Variants in DLG1 observed in about 807,000 individuals in gnomAD.
DLG1 encodes discs large MAGUK scaffold protein 1.
A neutral mutation model predicts 123.4 loss-of-function variants in DLG1; 42 were observed. The ratio of observed to expected loss-of-function variants is 0.34; its 90% CI spans 0.27 to 0.44. The LOEUF is 0.44. Among genes scored for constraint, DLG1 ranks in the 20% least tolerant of loss-of-function variants. DLG1 has a pLI of 1.00. For synonymous variants in DLG1, 317 were observed against 356.2 expected (o/e 0.89, Z 1.24); for missense variants, 942 against 1,082.6 (o/e 0.87, Z 1.82).
chr3:197,095,016 T>C (rs1397975213), intron 14 of DLG1, among the ~76,000 whole-genome samples: 6 of 152,210 alleles, frequency 3.9e-5, no homozygotes, highest in Admixed American at 1.3e-4. Context: ...TTTTCTAGCA[T>C]TGTTTTGGAT....
intron 10 of DLG1, among the ~76,000 whole-genome samples, chr3:197,132,319 CATT>C (rs1019998488): frequency 4.0e-5 from 6 of 151,042 alleles, no homozygotes; most frequent in Admixed American, 6.6e-5. Flanking sequence ...ATAAGTAAAA[CATT>C]ATCAATGTTT....
Position 197,150,634 on chromosome 3 carries a change from A to T in DLG1, c.484-838T>A, listed in dbSNP as rs190753683. Among the ~76,000 whole-genome samples, 27 of 152,296 alleles carry T rather than the reference A, an allele frequency of 1.8e-4. No individual in the cohort carries two copies. In the East Asian group the frequency reaches 5.0e-3, roughly 28 times the overall value. On this transcript the variant is annotated intron_variant, in intron 5 of 24. Transcript: ENST00000667157. ...GACTATCCTTTAAACAAACTTTAGA[A>T]GATATGCTTACACACATTAATGGTT...
At chr3:197,166,648 G>A (rs1801561208) in intron 5 of DLG1, among the ~76,000 whole-genome samples, 1 of 152,150 alleles carries the variant, frequency 6.6e-6, no homozygotes, top group African/African-American at 2.4e-5. Flanking sequence ...CCAACACTTT[G>A]GGAGGCGGAG....
intron 2 of DLG1, 81 bp downstream of exon 2, chr3:197,297,105 C>T: frequency 2.0e-6 from 3 of 1,495,674 alleles, no homozygotes; most frequent in Non-Finnish European, 2.8e-6. Flanking sequence ...GTTACACAAA[C>T]GATTCTAAAA....
At chr3:197,112,558 T>C (rs989507450) in intron 13 of DLG1, among the ~76,000 whole-genome samples, 1 of 152,180 alleles carries the variant, frequency 6.6e-6, no homozygotes, top group African/African-American at 2.4e-5. Flanking sequence ...GAATATTTTT[T>C]ACCACTGTGT....
intron 7 of DLG1, 61 bp from the exon 8 acceptor site, chr3:197,140,325 G>T: frequency 6.5e-7 from 1 of 1,546,372 alleles, no homozygotes; most frequent in South Asian, 1.2e-5. Context: ...ACAGGTTCCT[G>T]TCATTAAAGG....
chr3:197,048,894 G>T (rs545752286), intron 24 of DLG1, among the ~76,000 whole-genome samples: 1 of 152,134 alleles, frequency 6.6e-6, no homozygotes, highest in Non-Finnish European at 1.5e-5. Context: ...TGACCTCAGG[G>T]GACCTGCCCA....
chr3:197,160,516 C>T (rs1040612204), intron 5 of DLG1, among the ~76,000 whole-genome samples: 1 of 151,584 alleles, frequency 6.6e-6, no homozygotes, highest in Admixed American at 6.6e-5. Flanking sequence ...AGAGAATATC[C>T]ATTTGGATTC....
intron 15 of DLG1, among the ~76,000 whole-genome samples, chr3:197,088,498 C>T (rs1178548540): frequency 6.6e-6 from 1 of 152,116 alleles, no homozygotes; most frequent in African/African-American, 2.4e-5. Flanking sequence ...CACCTTTTCG[C>T]AGGAATTTAC....
chr3:197,190,785 C>T (rs934265086), intron 5 of DLG1, among the ~76,000 whole-genome samples: 5 of 152,116 alleles, frequency 3.3e-5, no homozygotes, highest in African/African-American at 4.8e-5. Context: ...CCGAGGCGGG[C>T]GGATCACGAG....
chr3:197,291,316 C>CAG (rs1553833188), intron 3 of DLG1, among the ~76,000 whole-genome samples: 1 of 151,496 alleles, frequency 6.6e-6, no homozygotes, highest in Non-Finnish European at 1.5e-5. Flanking sequence ...CACACACACA[C>CAG]ACACACACAC....
intron 4 of DLG1, among the ~76,000 whole-genome samples, chr3:197,239,094 A>G (rs1747519764): frequency 6.6e-6 from 1 of 152,148 alleles, no homozygotes; most frequent in Non-Finnish European, 1.5e-5. Context: ...ATATGGAATT[A>G]AGAGAGAAAG....
chr3:197,081,666 T>C (rs1427977732), intron 16 of DLG1, among the ~76,000 whole-genome samples: 2 of 148,560 alleles, frequency 1.3e-5, no homozygotes, highest in Non-Finnish European at 3.0e-5. Context: ...TGTGTGTAAA[T>C]ATATAAATAA....
intron 5 of DLG1, among the ~76,000 whole-genome samples, chr3:197,184,840 A>G (rs1407944135): frequency 6.6e-6 from 1 of 152,206 alleles, no homozygotes; most frequent in East Asian, 1.9e-4. Context: ...CTGATTGCTA[A>G]AGGAACATAT....
intron 4 of DLG1, among the ~76,000 whole-genome samples, chr3:197,277,526 A>G (rs968232238): frequency 2.6e-5 from 4 of 152,068 alleles, no homozygotes; most frequent in Admixed American, 2.0e-4. Context: ...TTTTTAGTAG[A>G]GGCGGGGTTT....
chr3:197,282,274 T>A (rs948368589), intron 4 of DLG1, among the ~76,000 whole-genome samples: 3 of 152,226 alleles, frequency 2.0e-5, no homozygotes, highest in African/African-American at 7.2e-5. Flanking sequence ...AAGAAGAGAT[T>A]CCTTGAGGTA....
At chr3:197,200,782 C>T (rs1725228689) in intron 4 of DLG1, among the ~76,000 whole-genome samples, 1 of 152,134 alleles carries the variant, frequency 6.6e-6, no homozygotes, top group Admixed American at 6.5e-5. Flanking sequence ...TAAAATTCAG[C>T]ATCCCTTCAT....
At chr3:197,263,651 G>A (rs571774115) in intron 4 of DLG1, among the ~76,000 whole-genome samples, 1 of 152,092 alleles carries the variant, frequency 6.6e-6, no homozygotes, top group Non-Finnish European at 1.5e-5. Flanking sequence ...GCCAGGCGTG[G>A]TGGCGCATGC....
At chr3:197,227,346 G>A (rs1254452278) in intron 4 of DLG1, among the ~76,000 whole-genome samples, 1 of 151,944 alleles carries the variant, frequency 6.6e-6, no homozygotes, top group Non-Finnish European at 1.5e-5. Flanking sequence ...GTGGTGGTAC[G>A]CACCTGTAGT....
Sources: allele counts gnomAD v4.1 joint callset (sites outside exome capture counted in the v4.1 genomes callset), GRCh38; gene constraint gnomAD v4.1.1; transcripts MANE v1.5; gene names NCBI Gene and HGNC (gene_info 2026-07-23, HGNC 2026-07-21).